The following TG variants were observed in gnomAD, a reference collection of about 807,000 sequenced individuals.
TG encodes the protein thyroid hormones.
In TG, 270 loss-of-function variants were observed where a neutral mutation model predicts 324.7. That is an observed-to-expected ratio of 0.83 (90% confidence interval 0.75 to 0.92). The LOEUF is 0.92. Among genes scored for constraint, TG ranks in the 40% least tolerant of loss-of-function variants. TG has a pLI of 0.00. For synonymous variants in TG, 1,401 were observed against 1,327.0 expected, an observed-to-expected ratio of 1.06 and a Z score of -1.21; for missense variants, 3,591 against 3,456.4, an observed-to-expected ratio of 1.04 and a Z score of -0.98.
intron 34 of TG, among the ~76,000 whole-genome samples, chr8:132,974,765 C>T (rs1036346381): frequency 3.9e-5 from 6 of 152,126 alleles, no homozygotes; most frequent in Non-Finnish European, 7.4e-5. Context: ...TGCCTTGTTC[C>T]ATAGCCATAT....
chr8:132,921,502 A>C (rs898526575), intron 21 of TG, among the ~76,000 whole-genome samples: 12 of 152,240 alleles, frequency 7.9e-5, no homozygotes, highest in Non-Finnish European at 1.6e-4. Flanking sequence ...TTGAATTACC[A>C]GGCCTGTGTT....
chr8:132,950,545 G>A (rs1320431783), intron 27 of TG, among the ~76,000 whole-genome samples: 2 of 152,188 alleles, frequency 1.3e-5, no homozygotes, highest in African/African-American at 4.8e-5. Context: ...TACCCACAGG[G>A]CTTAGTGCTT....
chr8:133,055,363 G>A (rs2739110), intron 41 of TG, among the ~76,000 whole-genome samples: 6,386 of 31,932 alleles, frequency 0.2, 181 homozygotes, highest in African/African-American at 0.3. Context: ...ACACGCACGC[G>A]CGCACACACA....
intron 44 of TG, among the ~76,000 whole-genome samples, chr8:133,115,222 G>A (rs1850580414): frequency 6.6e-6 from 1 of 152,134 alleles, no homozygotes; most frequent in Non-Finnish European, 1.5e-5. Context: ...ATATCACCAA[G>A]GGAGGCCTCA....
At position 132,893,897 on chromosome 8, in the gene TG, G is replaced by A. The variant is rs754082203; in HGVS notation, c.2969G>A (p.Ser990Asn). The A allele has an allele frequency of 7.4e-6, 12 of 1,614,076 alleles. No individual in the cohort carries two copies. The East Asian group carries it at 2.7e-4, about 36-fold the overall frequency. The stretch of plus-strand genomic sequence containing the variant: ...TTCGCGGAGCAGTTTCTGCGTGGGA[G>A]TGATTACGCCATTCGCCTGGCGGCT... ...EAFAEQFLRG[S>N]DYAIRLAAQS... The change falls in exon 11 of 48, where the codon AGT becomes AAT. Residue 990 changes from serine to asparagine, a missense_variant. Transcript: ENST00000220616.
chr8:133,017,796 A>C lies in TG; in HGVS notation c.6581A>C (p.Tyr2194Ser). Residue 2194 changes from tyrosine to serine, a missense_variant, in exon 38 of 48, where the codon TAT becomes TCT. Tyr to Ser is a moderately radical substitution (Grantham distance 144). Transcript: ENST00000220616. ...CCAACAGGAATCTCTCTGCTCAGCT[A>C]TGAGGCATCTGTACCTTCTGTGCCC... ...YRKPGISLLS[Y>S]EASVPSVPIS... The C allele has an allele frequency of 6.2e-7, 1 of 1,614,082 alleles. No individual in the cohort carries two copies. The highest frequency in any genetic ancestry group is 8.5e-7 in the Non-Finnish European group (1 of 1,180,006).
chr8:133,057,550 G>C (rs892284622), intron 41 of TG, among the ~76,000 whole-genome samples: 6 of 152,158 alleles, frequency 3.9e-5, no homozygotes, highest in African/African-American at 1.4e-4. Context: ...TGCTGTCGCT[G>C]TGAGGAGGGA....
At chr8:132,945,321 C>A (rs1306256708) in intron 26 of TG, among the ~76,000 whole-genome samples, 1 of 152,044 alleles carries the variant, frequency 6.6e-6, no homozygotes, top group Non-Finnish European at 1.5e-5. Flanking sequence ...TTCAATAAGA[C>A]TTTGAATTTG....
At chr8:132,968,128 T>A (rs1828900366) in intron 31 of TG, among the ~76,000 whole-genome samples, 158 bp downstream of exon 31, 1 of 152,200 alleles carries the variant, frequency 6.6e-6, no homozygotes, top group African/African-American at 2.4e-5. Flanking sequence ...CTTTCACGGT[T>A]AGAATCAATA....
chr8:132,867,799 C>T lies in TG; in HGVS notation c.68-316C>T, dbSNP rs117109942. Among the ~76,000 whole-genome samples the T allele has an allele frequency of 8.9e-3, 1,356 of 152,012 alleles. 39 individuals carry two copies. The highest frequency in any genetic ancestry group is 0.085 in the East Asian group (438 of 5,130). On this transcript the variant is annotated intron_variant, in intron 1 of 47. Transcript: ENST00000220616. ...CGGCAGGGTGGGGGCGGGCGGGGAA[C>T]GTGTAGTCCCAGCGTTGATTTTGGG...
intron 41 of TG, among the ~76,000 whole-genome samples, chr8:133,090,507 T>A (rs573235003): frequency 3.9e-5 from 6 of 152,362 alleles, no homozygotes; most frequent in Non-Finnish European, 7.3e-5. Context: ...GCTTTGCATG[T>A]AGAGGCACTT....
At chr8:132,905,679 G>A (rs1818569715) in intron 16 of TG, among the ~76,000 whole-genome samples, 1 of 152,054 alleles carries the variant, frequency 6.6e-6, no homozygotes, top group Admixed American at 6.5e-5. Context: ...CAGAGGAGAG[G>A]TGCCCTCTTT....
chr8:133,059,226 T>A (rs1292899071), intron 41 of TG: 1 of 442,716 alleles, frequency 2.3e-6, no homozygotes, highest in Non-Finnish European at 4.6e-6. Context: ...CCCCAAATGC[T>A]ACCATGTAAG....
chr8:133,072,509 G>A (rs1381414992), intron 41 of TG, among the ~76,000 whole-genome samples: 1 of 152,200 alleles, frequency 6.6e-6, no homozygotes, highest in East Asian at 1.9e-4. Flanking sequence ...CAGGACCCTT[G>A]GGCTGCTAAC....
In TG at chr8:133,029,735, T is replaced by C. The variant is rs946226634; in HGVS notation, c.7037-86T>C. 1.6e-5 allele frequency: 25 copies of C among 1,553,876 alleles called. No individual in the cohort carries two copies. In the African/African-American group the frequency reaches 3.1e-4, roughly 19 times the overall value. Reference sequence around the variant, plus strand: ...GCCCAGAGCCCCTGGCGGGGCCGCATATATGCCTGCCATAGACAGCACCAT... The same window carrying C: ...GCCCAGAGCCCCTGGCGGGGCCGCACATATGCCTGCCATAGACAGCACCAT... On this transcript the variant is annotated intron_variant, in intron 40 of 47. Coordinates refer to ENST00000220616, the MANE Select transcript of TG (RefSeq NM_003235.5).
intron 41 of TG, among the ~76,000 whole-genome samples, chr8:133,056,791 A>C (rs1016341176): frequency 2.0e-5 from 3 of 152,162 alleles, no homozygotes; most frequent in African/African-American, 7.2e-5. Context: ...GAGACTAAGG[A>C]GATAAACTCT....
At position 133,049,630 on chromosome 8, in the gene TG, G is replaced by A. The variant is rs113224969; in HGVS notation, c.7239+19607G>A. ...CTGTGCCCTCCCATAACATTTCCCAGCTGTTTACCACTCTGTGCCAGGAGC... is the reference window on the plus strand; with the variant it reads ...CTGTGCCCTCCCATAACATTTCCCAACTGTTTACCACTCTGTGCCAGGAGC... On this transcript the variant is annotated intron_variant, in intron 41 of 47. Coordinates refer to ENST00000220616, the MANE Select transcript of TG (RefSeq NM_003235.5). 593 of 438,730 alleles carry A rather than the reference G, an allele frequency of 1.4e-3. 1 individual carries two copies. Among genetic ancestry groups the A allele is most frequent in the African/African-American group, 0.011 (550 of 50,278 alleles). 27.2% of individuals were successfully genotyped at this position (438,730 alleles called of 1,614,324 possible).
chr8:132,868,251 C>T, intron 2 of TG, 28 bp downstream of exon 2: 1 of 1,599,920 alleles, frequency 6.3e-7, no homozygotes, highest in East Asian at 2.2e-5. Context: ...AGCGAACTCT[C>T]AAGGTCCAAG....
chr8:133,115,819 C>T (rs1315863734), intron 44 of TG, among the ~76,000 whole-genome samples: 1 of 152,256 alleles, frequency 6.6e-6, no homozygotes, highest in Admixed American at 6.5e-5. Flanking sequence ...CGTCAGCACA[C>T]GCAGGGCCCC....
Sources: allele counts gnomAD v4.1 joint callset (sites outside exome capture counted in the v4.1 genomes callset), GRCh38; gene constraint gnomAD v4.1.1; transcripts MANE v1.5; gene names NCBI Gene and HGNC (gene_info 2026-07-23, HGNC 2026-07-21).